Variants in AXL observed in about 807,000 individuals in gnomAD.
The protein encoded by AXL is tyrosine-protein kinase receptor UFO.
AXL carries 52 observed loss-of-function variants against 104.5 expected under a neutral mutation model. That is an observed-to-expected ratio of 0.50 (90% CI 0.40 to 0.63). The LOEUF is 0.63. Among genes scored for constraint, AXL ranks in the 20% least tolerant of loss-of-function variants. The pLI, the probability that AXL is intolerant of heterozygous loss-of-function variation, is 0.00. For missense variants in AXL, 1,024 were observed against 1,188.5 expected (o/e 0.86, Z 2.04); for synonymous variants, 455 against 473.7 (o/e 0.96, Z 0.51).
rs985717221 is a variant in AXL, at chr19:41,261,598, A to G, written c.*1694A>G. ...CAACTGTGGGGGTGTGCCCCCTTCAAGCCTGTGCAATGCATTAGGGATGCC... is the reference window on the plus strand; with the variant it reads ...CAACTGTGGGGGTGTGCCCCCTTCAGGCCTGTGCAATGCATTAGGGATGCC... On this transcript the variant is annotated 3_prime_UTR_variant, in exon 20 of 20. Transcript: ENST00000301178. 9 of 152,538 alleles carry G rather than the reference A, an allele frequency of 5.9e-5. No homozygotes were observed. Among genetic ancestry groups the G allele is most frequent in the African/African-American group, 2.2e-4 (9 of 41,402 alleles). The allele number at this position is 152,538 out of a possible 1,614,324, so 9.4% of individuals were successfully genotyped here.
intron 14 of AXL, among the ~76,000 whole-genome samples, chr19:41,249,066 C>T (rs1254376929): frequency 1.3e-5 from 2 of 152,070 alleles, no homozygotes; most frequent in Non-Finnish European, 2.9e-5. Context: ...GAAGTCACTT[C>T]CCCCGCTAGG....
intron 8 of AXL, among the ~76,000 whole-genome samples, 174 bp downstream of exon 8, chr19:41,238,783 G>A (rs1216595030): frequency 6.6e-6 from 1 of 152,116 alleles, no homozygotes; most frequent in Non-Finnish European, 1.5e-5. Context: ...GGGGTCTAAG[G>A]GAGGGCATGG....
At chr19:41,219,527 G>A (rs774510600) in intron 1 of AXL, 50 bp downstream of exon 1, 1 of 1,546,272 alleles carries the variant, frequency 6.5e-7, no homozygotes, top group South Asian at 1.2e-5. Flanking sequence ...AGGGGCTGGG[G>A]CAGGGGTAGG....
intron 4 of AXL, among the ~76,000 whole-genome samples, chr19:41,227,694 G>A (rs1182879760): frequency 6.6e-6 from 1 of 152,004 alleles, no homozygotes; most frequent in African/African-American, 2.4e-5. Flanking sequence ...TCACTGTGTT[G>A]CCCAGGCTTG....
chr19:41,219,669 CTG>C (rs1346037293), intron 1 of AXL, among the ~76,000 whole-genome samples, 192 bp downstream of exon 1: 2 of 148,830 alleles, frequency 1.3e-5, no homozygotes, highest in Non-Finnish European at 3.0e-5. Context: ...GAGAGAAAGA[CTG>C]AGAGAGGAAC....
chr19:41,219,529 A>C, intron 1 of AXL, 52 bp downstream of exon 1: 2 of 641,056 alleles, frequency 3.1e-6, no homozygotes, highest in Non-Finnish European at 2.4e-6. Flanking sequence ...GGGCTGGGGC[A>C]GGGGTAGGAG....
intron 12 of AXL, among the ~76,000 whole-genome samples, chr19:41,244,719 G>A (rs756261803): frequency 4.0e-5 from 6 of 151,872 alleles, no homozygotes; most frequent in Admixed American, 6.6e-5. Context: ...TGGAACTCCT[G>A]GCCTCAAGTG....
Position 41,219,494 on chromosome 19 carries a change from C to A in AXL, c.85+17C>A. The A allele has an allele frequency of 6.3e-7, 1 of 1,593,536 alleles. No individual in the cohort carries two copies. Reference sequence around the variant, plus strand: ...CCCCCAGGGGTGAGTGATGGGGGCTCCTTGGGGCAGGGATCCCCTCGGAGG... The same window carrying A: ...CCCCCAGGGGTGAGTGATGGGGGCTACTTGGGGCAGGGATCCCCTCGGAGG... On this transcript the variant is annotated intron_variant, in intron 1 of 19. Transcript: ENST00000301178.
chr19:41,232,672 C>A (rs2034011920), intron 6 of AXL, among the ~76,000 whole-genome samples: 1 of 150,820 alleles, frequency 6.6e-6, no homozygotes, highest in Non-Finnish European at 1.5e-5. Flanking sequence ...AAAACCAAAA[C>A]AAAACTCACA....
At chr19:41,254,771 G>T (rs1020899416) in intron 17 of AXL, among the ~76,000 whole-genome samples, 5 of 151,984 alleles carry the variant, frequency 3.3e-5, no homozygotes, top group African/African-American at 1.2e-4. Context: ...TAAATTAGCT[G>T]GGCATGGTGG....
chr19:41,233,772 AT>A (rs1296204034), intron 6 of AXL, among the ~76,000 whole-genome samples: 1 of 150,638 alleles, frequency 6.6e-6, no homozygotes, highest in African/African-American at 2.4e-5. Context: ...CGAAGCTGAG[AT>A]TCAATCCCAG....
chr19:41,241,316 G>A (rs1370185053), intron 10 of AXL, among the ~76,000 whole-genome samples: 1 of 152,136 alleles, frequency 6.6e-6, no homozygotes, highest in Non-Finnish European at 1.5e-5. Context: ...CCTGAGACAG[G>A]TGGATCACCT....
At position 41,239,676 on chromosome 19, in the gene AXL, T is replaced by C; in HGVS notation, c.1286-18T>C. The C allele has an allele frequency of 6.2e-7, 1 of 1,614,152 alleles. No homozygotes were observed. On this transcript the variant is annotated intron_variant, in intron 9 of 19. Transcript: ENST00000301178. ...GTCCTCTCTGAGCACATCTCCTCTC[T>C]GTCCTTTCTTCTCACAGGGCAAGCA...
intron 14 of AXL, among the ~76,000 whole-genome samples, chr19:41,249,735 G>A (rs1316382067): frequency 7.3e-5 from 11 of 151,012 alleles, no homozygotes; most frequent in Non-Finnish European, 1.6e-4. Flanking sequence ...CAGCCTGGGC[G>A]ACAGAGCAAG....
chr19:41,225,165 T>C (rs575295270), intron 4 of AXL, among the ~76,000 whole-genome samples: 58 of 152,288 alleles, frequency 3.8e-4, no homozygotes, highest in African/African-American at 1.1e-3. Context: ...GGCTTATTTT[T>C]GTATTTTTAG....
rs2034514169 is a variant in AXL at position 41,260,067 on chromosome 19, TGCAGTAGCATCACCTTGAAA to T, written c.*178_*197del. 8.2e-6 allele frequency: 5 copies of T among 606,644 alleles called. No homozygotes were observed. Among genetic ancestry groups the T allele is most frequent in the African/African-American group, 1.9e-5 (1 of 53,860 alleles). The allele number at this position is 606,644 out of a possible 1,614,324, so 37.6% of individuals were successfully genotyped here. A position where few individuals can be genotyped will look rare whatever the true frequency, so the allele number is the denominator to read the frequency against. ...CCAGACAGGTCCCTCCCCTTCTCTG[TGCAGTAGCATCACCTTGAAA>T]GCAGTAGCATCACCATCTGTAAAAG... On this transcript the variant is annotated 3_prime_UTR_variant, in exon 20 of 20. Transcript: ENST00000301178.
chr19:41,219,561 G>T (rs971941285), intron 1 of AXL, 84 bp downstream of exon 1: 8 of 1,463,984 alleles, frequency 5.5e-6, no homozygotes, highest in African/African-American at 1.4e-5. Context: ...TGGCAGGTGT[G>T]GGGGGCCTGG....
chr19:41,238,454 C>T lies in AXL; in HGVS notation c.995-16C>T. ...AGAGGTGGGGGTGCCAGCTTCCCCT[C>T]TTCCCTGTCCTCCAGTGCCCCTGGG... On this transcript the variant is annotated splice_polypyrimidine_tract_variant and intron_variant, in intron 7 of 19. Coordinates refer to ENST00000301178, the MANE Select transcript of AXL (RefSeq NM_021913.5). The T allele has an allele frequency of 6.2e-7, 1 of 1,602,120 alleles. No homozygotes were observed. Among genetic ancestry groups the T allele is most frequent in the Non-Finnish European group, 8.5e-7 (1 of 1,170,806 alleles).
intron 17 of AXL, among the ~76,000 whole-genome samples, chr19:41,253,967 A>G (rs1259993252): frequency 6.6e-6 from 1 of 151,900 alleles, no homozygotes; most frequent in East Asian, 1.9e-4. Context: ...GAGGTGAGCA[A>G]AGGGGCTGAG....
Sources: allele counts gnomAD v4.1 joint callset (sites outside exome capture counted in the v4.1 genomes callset), GRCh38; gene constraint gnomAD v4.1.1; transcripts MANE v1.5; gene names NCBI Gene and HGNC (gene_info 2026-07-23, HGNC 2026-07-21).